Variants in FKBP5 observed in about 807,000 individuals in gnomAD.
FKBP5 encodes FKBP prolyl isomerase 5, also known as peptidyl-prolyl cis-trans isomerase FKBP5.
FKBP5 carries 23 observed loss-of-function variants against 50.5 expected under a neutral mutation model. That is an observed-to-expected ratio of 0.46 (90% CI 0.33 to 0.65). FKBP5 has a LOEUF of 0.65. FKBP5 is among the 30% of genes least tolerant of loss of function. The pLI is 0.02. For synonymous variants in FKBP5, 176 were observed against 190.6 expected (o/e 0.92, Z 0.63); for missense variants, 411 against 553.1 (o/e 0.74, Z 2.58).
chr6:35,728,188 T>C (rs1397544970), intron 1 of FKBP5, among the ~76,000 whole-genome samples: 5 of 152,206 alleles, frequency 3.3e-5, no homozygotes, highest in Admixed American at 1.3e-4. Context: ...GCTGGGTAAG[T>C]GGGTGTGCTC....
chr6:35,619,130 T>C lies in FKBP5; in HGVS notation c.474A>G (p.Gly158=). The C allele has an allele frequency of 1.2e-6, 2 of 1,613,792 alleles. No homozygotes were observed. Among genetic ancestry groups the C allele is most frequent in the Admixed American group, 3.3e-5 (2 of 60,012 alleles). The change falls in exon 5 of 11, where the codon GGA becomes GGG. Residue 158 remains glycine (G), a synonymous_variant. Transcript: ENST00000357266. ...IIRRTKRKGE[G]YSNPNEGATV... ...TTGCTCCTTCGTTTGGATTTGAATA[T>C]CCCTCTCCTTTCCGTTTGGTTCTCC...
intron 6 of FKBP5, among the ~76,000 whole-genome samples, chr6:35,592,917 G>GA (rs1561848306): frequency 6.6e-6 from 1 of 152,216 alleles, no homozygotes; most frequent in African/African-American, 2.4e-5. Flanking sequence ...CTGAGGATGA[G>GA]AAAATCTGCC....
chr6:35,622,472 C>T (rs1199031048), intron 3 of FKBP5, among the ~76,000 whole-genome samples: 1 of 151,482 alleles, frequency 6.6e-6, no homozygotes, highest in Non-Finnish European at 1.5e-5. Flanking sequence ...GATTATGTCA[C>T]TGCACTCCAG....
rs993243004 is a variant in FKBP5 at position 35,608,882 on chromosome 6, C to T, written c.508+10214G>A. Reference sequence around the variant, plus strand: ...GTACAATCTTGGCTCACTGCCACCTCTGTCTCCTGGGTTCAAGTGATTCTC... The same window carrying T: ...GTACAATCTTGGCTCACTGCCACCTTTGTCTCCTGGGTTCAAGTGATTCTC... On this transcript the variant is annotated intron_variant, in intron 5 of 10. Coordinates refer to ENST00000357266, the MANE Select transcript of FKBP5 (RefSeq NM_004117.4). Among the ~76,000 whole-genome samples the T allele has an allele frequency of 2.0e-5, 3 of 152,166 alleles. 1 individual carries two copies. Among genetic ancestry groups the T allele is most frequent in the East Asian group, 1.9e-4 (1 of 5,202 alleles).
chr6:35,651,525 T>C (rs1764797906), intron 1 of FKBP5, among the ~76,000 whole-genome samples: 1 of 152,154 alleles, frequency 6.6e-6, no homozygotes, highest in Non-Finnish European at 1.5e-5. Context: ...GTGACAGTTA[T>C]ATGTTGGGGA....
chr6:35,586,229 C>CATCTAGAGGTTTAAG, intron 8 of FKBP5: 1 of 984,962 alleles, frequency 1.0e-6, no homozygotes, highest in Non-Finnish European at 1.2e-6. Context: ...TTTTTTCTTA[C>CATCTAGAGGTTTAAG]ATCTAGAGGT....
At chr6:35,646,823 A>G (rs972062608) in intron 1 of FKBP5, among the ~76,000 whole-genome samples, 1 of 152,184 alleles carries the variant, frequency 6.6e-6, no homozygotes, top group African/African-American at 2.4e-5. Context: ...ATAAGCATAC[A>G]CTCTCCAAAG....
At chr6:35,692,625 C>A (rs1436001813), upstream of FKBP5, among the ~76,000 whole-genome samples, 2 of 151,844 alleles carry the variant, frequency 1.3e-5, no homozygotes, top group Non-Finnish European at 2.9e-5. Flanking sequence ...ATGGTGAAAC[C>A]CTGTCTCTAC....
Position 35,575,863 on chromosome 6 carries a change from TC to T in FKBP5, c.1345del (p.Glu449LysfsTer20). On this transcript the variant is annotated frameshift_variant, in exon 11 of 11. Transcript: ENST00000357266. LOFTEE classifies it high-confidence loss of function. ...NEKGTDSQAM[E>X]EEKPEGHV is the part of the protein sequence containing the mutation. ...TACGTGGCCCTCAGGTTTCTCTTCTTCCATTGCTTGACTGTCTGTTCCTTTT... is the reference window on the plus strand; with the variant it reads ...TACGTGGCCCTCAGGTTTCTCTTCTTCATTGCTTGACTGTCTGTTCCTTTT... 1 of 1,614,014 alleles carries T rather than the reference TC, an allele frequency of 6.2e-7. No homozygotes were observed.
chr6:35,695,853 A>T (rs779217254), intron 2 of FKBP5, among the ~76,000 whole-genome samples: 41 of 152,236 alleles, frequency 2.7e-4, no homozygotes, highest in Non-Finnish European at 5.0e-4. Flanking sequence ...GAAATTAAAG[A>T]CAGTCTTTAG....
At chr6:35,598,975 AAAATAAATAAAAAAAT>A (rs1483724872) in intron 5 of FKBP5, among the ~76,000 whole-genome samples, 2 of 151,408 alleles carry the variant, frequency 1.3e-5, no homozygotes, top group Admixed American at 1.3e-4. Context: ...ACTCCATCTC[AAAATAAATAAAAAAAT>A]AAATAAATAA....
chr6:35,655,351 T>G (rs906376376), intron 1 of FKBP5, among the ~76,000 whole-genome samples: 1 of 152,096 alleles, frequency 6.6e-6, no homozygotes, highest in Non-Finnish European at 1.5e-5. Flanking sequence ...TTGATAAGGG[T>G]GAAGACAGTA....
intron 1 of FKBP5, among the ~76,000 whole-genome samples, chr6:35,645,867 C>T (rs542141017): frequency 7.9e-5 from 12 of 152,306 alleles, no homozygotes; most frequent in Admixed American, 2.6e-4. Flanking sequence ...GTAATCTCAA[C>T]ACTTTGGGAG....
intron 1 of FKBP5, among the ~76,000 whole-genome samples, chr6:35,674,427 C>T (rs1362356204): frequency 6.6e-6 from 1 of 152,182 alleles, no homozygotes; most frequent in Non-Finnish European, 1.5e-5. Flanking sequence ...AAAGATGTCA[C>T]ACTTCTTGGC....
chr6:35,719,572 C>T (rs1766569271), intron 2 of FKBP5, among the ~76,000 whole-genome samples: 1 of 152,148 alleles, frequency 6.6e-6, no homozygotes, highest in African/African-American at 2.4e-5. Flanking sequence ...ATTTAGCCAG[C>T]GCCTGTGAAA....
intron 7 of FKBP5, 149 bp downstream of exon 7, chr6:35,590,978 ATTC>A: frequency 2.0e-6 from 1 of 503,882 alleles, no homozygotes; most frequent in South Asian, 3.5e-5. Flanking sequence ...CAGTTGTTCT[ATTC>A]TTCAGCAGCA....
At position 35,701,279 on chromosome 6, in the gene FKBP5, T is replaced by C. The variant is rs796110031; in HGVS notation, c.-20+19049A>G. On this transcript the variant is annotated intron_variant, in intron 2 of 11. Coordinates refer to the FKBP5 transcript ENST00000536438. ...TTTTTTTTGAGACGGAGTCTCGCTCTGTCGCCCAGGCTGGAGTGCAGTGGC... is the reference window on the plus strand; with the variant it reads ...TTTTTTTTGAGACGGAGTCTCGCTCCGTCGCCCAGGCTGGAGTGCAGTGGC... Among the ~76,000 whole-genome samples the C allele has an allele frequency of 4.7e-5, 7 of 149,770 alleles. No individual in the cohort carries two copies. The South Asian group carries it at 1.3e-3, about 27-fold the overall frequency.
At chr6:35,650,333 T>C (rs983213616) in intron 1 of FKBP5, among the ~76,000 whole-genome samples, 3 of 150,374 alleles carry the variant, frequency 2.0e-5, no homozygotes, top group African/African-American at 7.4e-5. Context: ...AAGAATAGCA[T>C]TGTAGTAAAT....
At chr6:35,598,710 G>A (rs532071072) in intron 5 of FKBP5, among the ~76,000 whole-genome samples, 3 of 152,174 alleles carry the variant, frequency 2.0e-5, no homozygotes, top group African/African-American at 7.2e-5. Flanking sequence ...CGGTGCTCAC[G>A]CCTGTAATCC....
Sources: allele counts gnomAD v4.1 joint callset (sites outside exome capture counted in the v4.1 genomes callset), GRCh38; gene constraint gnomAD v4.1.1; transcripts MANE v1.5; gene names NCBI Gene and HGNC (gene_info 2026-07-23, HGNC 2026-07-21).